CACNA1E: variants seen among roughly 807,000 people sequenced by gnomAD.
The protein encoded by CACNA1E is calcium voltage-gated channel subunit alpha1 E, also known as voltage-dependent R-type calcium channel subunit alpha-1E.
A neutral mutation model predicts 259.2 loss-of-function variants in CACNA1E; 40 were observed. That is an observed-to-expected ratio of 0.15 (90% CI 0.12 to 0.20). CACNA1E has a LOEUF of 0.20. CACNA1E is among the 10% of genes least tolerant of loss of function. CACNA1E has a pLI of 1.00. For synonymous variants in CACNA1E, 1,104 were observed against 1,138.5 expected (o/e 0.97, Z 0.61); for missense variants, 1,874 against 3,040.1 (o/e 0.62, Z 9.02).
rs1295872682 is a variant in CACNA1E, at chr1:181,803,628, T to A, written c.*4794T>A. On this transcript the variant is annotated 3_prime_UTR_variant, in exon 48 of 48. Transcript: ENST00000367573. ...CTATGGTGTTTTGTCAGCTGTTAGG[T>A]GCTACAGCCCACCCAGTCAGAGTAC... The A allele has an allele frequency of 6.6e-6, 1 of 152,200 alleles. No individual in the cohort carries two copies. Among genetic ancestry groups the A allele is most frequent in the East Asian group, 1.9e-4 (1 of 5,198 alleles). 9.4% of individuals were successfully genotyped at this position (152,200 alleles called of 1,614,324 possible).
chr1:181,373,537 CTTT>C (rs5779097), intron 1 of CACNA1E, among the ~76,000 whole-genome samples: 5 of 120,922 alleles, frequency 4.1e-5, no homozygotes, highest in Admixed American at 8.8e-5. Context: ...TCTTTTCTTT[CTTT>C]TTTTTTTTTT....
At chr1:181,672,007 T>C (rs1485424515) in intron 7 of CACNA1E, among the ~76,000 whole-genome samples, 1 of 152,152 alleles carries the variant, frequency 6.6e-6, no homozygotes, top group Admixed American at 6.5e-5. Context: ...AGTGACAGAT[T>C]GGATAAAGAA....
At position 181,579,139 on chromosome 1, in the gene CACNA1E, C is replaced by T. The variant is rs1651270260; in HGVS notation, c.684C>T (p.Leu228=). ...CTCTTCTGCAGATTGGCCTTCTGCT[C>T]TTCTTTGCCATCCTGATGTTTGCTA... ...MVPLLQIGLL[L]FFAILMFAII... Residue 228 remains leucine, a synonymous_variant, in exon 5 of 48, where the codon CTC becomes CTT. Transcript: ENST00000367573. 1 of 1,613,384 alleles carries T rather than the reference C, an allele frequency of 6.2e-7. No individual in the cohort carries two copies. Among genetic ancestry groups the T allele is most frequent in the Non-Finnish European group, 8.5e-7 (1 of 1,179,348 alleles).
intron 1 of CACNA1E, among the ~76,000 whole-genome samples, chr1:181,509,825 C>G (rs922915163): frequency 6.6e-6 from 1 of 152,222 alleles, no homozygotes; most frequent in East Asian, 1.9e-4. Context: ...CATATAGATG[C>G]AGACACTTAG....
intron 1 of CACNA1E, among the ~76,000 whole-genome samples, chr1:181,395,410 C>A (rs2102057148): frequency 6.6e-6 from 1 of 152,172 alleles, no homozygotes; most frequent in East Asian, 1.9e-4. Flanking sequence ...GTAGAGAAGT[C>A]ATGGAGGCAC....
intron 3 of CACNA1E, among the ~76,000 whole-genome samples, chr1:181,530,887 A>G (rs1667729724): frequency 6.6e-6 from 1 of 152,234 alleles, no homozygotes; most frequent in Non-Finnish European, 1.5e-5. Context: ...AGAAATAAGA[A>G]TAGTCAGAAA....
intron 6 of CACNA1E, among the ~76,000 whole-genome samples, chr1:181,598,478 G>A (rs1047208460): frequency 6.6e-6 from 1 of 152,104 alleles, no homozygotes; most frequent in Non-Finnish European, 1.5e-5. Flanking sequence ...GCGTGGTGGA[G>A]GTATGACATT....
chr1:181,488,032 A>T (rs1322078084), intron 1 of CACNA1E, among the ~76,000 whole-genome samples: 8 of 152,232 alleles, frequency 5.3e-5, no homozygotes, highest in Non-Finnish European at 7.3e-5. Flanking sequence ...CTTATTGTAG[A>T]GAATTTCACT....
chr1:181,731,251 C>T lies in CACNA1E; in HGVS notation c.2297+20C>T, dbSNP rs546191045. ...CCACCTGTATGTGTGTACCAGTTTG[C>T]GTGTTTGTGAGTGGTTACGTGTGGG... On this transcript the variant is annotated intron_variant, in intron 19 of 47. Transcript: ENST00000367573. 14 of 1,605,952 alleles carry T rather than the reference C, an allele frequency of 8.7e-6. No individual in the cohort carries two copies. Among genetic ancestry groups the T allele is most frequent in the Admixed American group, 8.3e-5 (5 of 59,934 alleles).
intron 7 of CACNA1E, among the ~76,000 whole-genome samples, chr1:181,654,229 A>G (rs924752207): frequency 6.7e-6 from 1 of 150,184 alleles, no homozygotes; most frequent in African/African-American, 2.4e-5. Flanking sequence ...ACAAAGTAAT[A>G]TATATATACT....
At chr1:181,395,683 G>A (rs1656632935) in intron 1 of CACNA1E, among the ~76,000 whole-genome samples, 1 of 152,198 alleles carries the variant, frequency 6.6e-6, no homozygotes, top group Non-Finnish European at 1.5e-5. Context: ...CTGGGGTTAA[G>A]AGCGGCATGA....
intron 2 of CACNA1E, among the ~76,000 whole-genome samples, chr1:181,465,474 C>T (rs1662098862): frequency 6.6e-6 from 1 of 151,978 alleles, no homozygotes; most frequent in East Asian, 1.9e-4. Flanking sequence ...TTTTGGGTCT[C>T]TTCATTCTGT....
chr1:181,613,238 A>G (rs138908953), intron 6 of CACNA1E, among the ~76,000 whole-genome samples: 21 of 152,258 alleles, frequency 1.4e-4, no homozygotes, highest in African/African-American at 4.6e-4. Context: ...ATTTATGTAT[A>G]CATTTAGCCT....
Position 181,483,731 on chromosome 1 carries a change from G to A in CACNA1E, c.-14G>A. 1 of 1,596,690 alleles carries A rather than the reference G, an allele frequency of 6.3e-7. No individual in the cohort carries two copies. The highest frequency in any genetic ancestry group is 8.5e-7 in the Non-Finnish European group (1 of 1,170,264). ...GATCACCTTTGTGTGTCTTCTGTCT[G>A]TTTAAACCTCAGGATGGCTCGCTTC... On this transcript the variant is annotated 5_prime_UTR_variant, in exon 1 of 48. Coordinates refer to ENST00000367573, the MANE Select transcript of CACNA1E (RefSeq NM_001205293.3).
Position 181,609,804 on chromosome 1 carries a change from A to G in CACNA1E, c.951+29028A>G, listed in dbSNP as rs546109514. The stretch of plus-strand genomic sequence containing the variant: ...GTAGATGACTAAACTAAGGCTGAAC[A>G]TGAGTAACTTGCCCATACAGCTGAC... On this transcript the variant is annotated intron_variant, in intron 6 of 47. Transcript: ENST00000367573. 3.3e-5 allele frequency among the ~76,000 whole-genome samples: 5 copies of G among 152,328 alleles called. 1 individual carries two copies. Among genetic ancestry groups the G allele is most frequent in the African/African-American group, 7.2e-5 (3 of 41,584 alleles).
chr1:181,615,292 G>A (rs2103130702), intron 6 of CACNA1E, among the ~76,000 whole-genome samples: 1 of 152,288 alleles, frequency 6.6e-6, no homozygotes, highest in Non-Finnish European at 1.5e-5. Flanking sequence ...CCGGGTTCGA[G>A]CAATTCTCTG....
rs1659044928 is a variant in CACNA1E at position 181,766,634 on chromosome 1, CG to C, written c.4881+25del. 1.9e-6 allele frequency: 3 copies of C among 1,563,860 alleles called. No individual in the cohort carries two copies. The East Asian group carries it at 6.7e-5, about 35-fold the overall frequency. On this transcript the variant is annotated intron_variant, in intron 35 of 47. Transcript: ENST00000367573. Reference sequence around the variant, plus strand: ...CAGGTGAGCTGGTAAATCAAGGGCCCGGTGGGGGACAGCTGTTACCCAGATA... The same window carrying C: ...CAGGTGAGCTGGTAAATCAAGGGCCCGTGGGGGACAGCTGTTACCCAGATA...
chr1:181,557,101 G>A (rs1235979807), intron 3 of CACNA1E, among the ~76,000 whole-genome samples: 2 of 152,118 alleles, frequency 1.3e-5, no homozygotes, highest in Admixed American at 6.5e-5. Context: ...ATCTTGGGGA[G>A]CATGTTGGGG....
At chr1:181,685,148 T>C (rs1650388211) in intron 7 of CACNA1E, among the ~76,000 whole-genome samples, 1 of 151,674 alleles carries the variant, frequency 6.6e-6, no homozygotes, top group African/African-American at 2.4e-5. Context: ...TGGAGAAGTT[T>C]TCCTCCCAGG....
Sources: gnomAD v4.1 joint callset for allele counts (sites outside exome capture counted in the v4.1 genomes callset) on GRCh38, gnomAD v4.1.1 for gene constraint, MANE v1.5 for transcripts, NCBI Gene and HGNC (gene_info 2026-07-23, HGNC 2026-07-21) for gene names.